CARF: variants seen among roughly 807,000 people sequenced by gnomAD.
The protein encoded by CARF is calcium responsive transcription factor, also known as calcium-responsive transcription factor.
CARF carries 57 observed loss-of-function variants against 82.0 expected under a neutral mutation model. That is an observed-to-expected ratio of 0.70 (90% confidence interval 0.56 to 0.87). The LOEUF (loss-of-function observed/expected upper bound fraction) is 0.87. CARF is among the 40% of genes least tolerant of loss of function. The pLI is 0.00. For synonymous variants in CARF, 268 were observed against 290.1 expected (o/e 0.92, Z 0.77); for missense variants, 771 against 855.8 (o/e 0.90, Z 1.24).
intron 14 of CARF, among the ~76,000 whole-genome samples, chr2:202,980,616 G>GTATATATATATATATATATA (rs34656288): frequency 2.3e-5 from 1 of 42,660 alleles, no homozygotes; most frequent in Non-Finnish European, 4.3e-5. Flanking sequence ...CGTCTTTCAA[G>GTATATATATATATATATATA]TATATATATA....
intron 3 of CARF, 50 bp from the exon 4 acceptor site, chr2:202,941,810 C>A: frequency 1.1e-6 from 1 of 916,680 alleles, no homozygotes; most frequent in Non-Finnish European, 1.7e-6. Context: ...ATAAAACAGT[C>A]CACAAAAATA....
intron 5 of CARF, among the ~76,000 whole-genome samples, chr2:202,951,468 T>C (rs992515536): frequency 6.6e-6 from 1 of 152,216 alleles, no homozygotes; most frequent in East Asian, 1.9e-4. Context: ...AAAGAGGTAA[T>C]AGGAGAGTAG....
At chr2:202,913,269 A>G (rs1031471473) in intron 1 of CARF, among the ~76,000 whole-genome samples, 167 bp downstream of exon 1, 6 of 152,342 alleles carry the variant, frequency 3.9e-5, no homozygotes, top group African/African-American at 1.4e-4. Flanking sequence ...GAGCAATGAC[A>G]ATAAAAGTAG....
chr2:202,915,478 G>C (rs1689462522), intron 1 of CARF, among the ~76,000 whole-genome samples: 1 of 151,680 alleles, frequency 6.6e-6, no homozygotes, highest in Admixed American at 6.6e-5. Flanking sequence ...ATTTTGTTTT[G>C]TTTTCTTTTT....
chr2:202,926,792 A>G (rs890847399), intron 3 of CARF, among the ~76,000 whole-genome samples: 3 of 152,102 alleles, frequency 2.0e-5, no homozygotes, highest in African/African-American at 7.2e-5. Context: ...TACGATACAT[A>G]TATCTTGCAT....
intron 16 of CARF, 63 bp from the exon 17 acceptor site, chr2:202,983,443 T>C (rs2060344796): frequency 2.1e-6 from 2 of 973,882 alleles, no homozygotes; most frequent in Non-Finnish European, 3.1e-6. Flanking sequence ...AAAATATTTT[T>C]CCCCTCTCTT....
At position 202,952,679 on chromosome 2, in the gene CARF, G is replaced by A. The variant is rs747340289; in HGVS notation, c.427G>A (p.Asp143Asn). The change falls in exon 6 of 17, where the codon GAT (aspartate) becomes AAT (asparagine). Residue 143 changes from aspartate to asparagine, a missense_variant and splice_region_variant. Transcript: ENST00000438828. ...ACTTGTGGATGTGAATAGTCCTCGG[G>A]GTGAGTAACAACGGGATATAGGGGA... Reference protein sequence around the residue: ...GQLVDVNSPRDVPEEKPSNRN... With the variant: ...GQLVDVNSPRNVPEEKPSNRN... The A allele has an allele frequency of 9.3e-6, 15 of 1,610,176 alleles. No individual in the cohort carries two copies. The South Asian group carries it at 1.1e-4, about 12-fold the overall frequency.
chr2:202,935,001 G>A (rs1693636201), intron 3 of CARF, among the ~76,000 whole-genome samples: 1 of 149,742 alleles, frequency 6.7e-6, no homozygotes, highest in Non-Finnish European at 1.5e-5. Context: ...CGCTTGAACT[G>A]GAGAGGTAGA....
intron 1 of CARF, among the ~76,000 whole-genome samples, chr2:202,915,285 G>C (rs1689421625): frequency 6.6e-6 from 1 of 151,934 alleles, no homozygotes; most frequent in Non-Finnish European, 1.5e-5. Flanking sequence ...AAAGTGCTGG[G>C]ATTACAGGCG....
chr2:202,945,348 C>T (rs752544217), intron 5 of CARF, among the ~76,000 whole-genome samples: 2 of 151,896 alleles, frequency 1.3e-5, no homozygotes, highest in Non-Finnish European at 2.9e-5. Context: ...ACTTTAGGTT[C>T]GAAGGTACAT....
At chr2:202,929,308 T>C (rs1692443956) in intron 3 of CARF, among the ~76,000 whole-genome samples, 1 of 152,222 alleles carries the variant, frequency 6.6e-6, no homozygotes, top group Admixed American at 6.5e-5. Flanking sequence ...GGTAGTTTTA[T>C]AGTTCCAGGT....
At chr2:202,978,600 CAT>C (rs2060126249) in intron 14 of CARF, among the ~76,000 whole-genome samples, 1 of 152,112 alleles carries the variant, frequency 6.6e-6, no homozygotes, top group Non-Finnish European at 1.5e-5. Context: ...GAGAGTGAAA[CAT>C]TGCCAGATAC....
rs2059937673 is a variant in CARF at position 202,974,351 on chromosome 2, A to T, written c.1349A>T (p.Glu450Val). The change falls in exon 13 of 17, where the codon GAA becomes GTA. Residue 450 changes from glutamate (E) to valine (V), a missense_variant. Glu to Val is a moderately radical substitution (Grantham distance 121). Transcript: ENST00000438828. ...CTTTACAGAAAATTTGTGGAAAGGG[A>T]ACTGTTCAAACCCGATGAGGTACCT... ...RKQLRKFVER[E>V]LFKPDEVPER... The T allele has an allele frequency of 6.3e-7, 1 of 1,586,360 alleles. No homozygotes were observed. Among genetic ancestry groups the T allele is most frequent in the Non-Finnish European group, 8.5e-7 (1 of 1,173,094 alleles).
At chr2:202,973,773 G>C (rs2059906919) in intron 12 of CARF, among the ~76,000 whole-genome samples, 1 of 152,166 alleles carries the variant, frequency 6.6e-6, no homozygotes, top group Non-Finnish European at 1.5e-5. Context: ...TGAAAATAAT[G>C]ATTTCTTTAA....
chr2:202,987,463 T>C lies in CARF; in HGVS notation c.*3839T>C, dbSNP rs1456673304. On this transcript the variant is annotated 3_prime_UTR_variant, in exon 17 of 17. Transcript: ENST00000438828. ...CATTGGTTCTTCTCCATCAGCTGGC[T>C]TAGACATCAAACATCTTAAATGATA... 1.3e-5 allele frequency among the ~76,000 whole-genome samples: 2 copies of C among 152,180 alleles called. No homozygotes were observed. The highest frequency in any genetic ancestry group is 2.9e-5 in the Non-Finnish European group (2 of 68,032).
Position 202,942,103 on chromosome 2 carries a change from G to T in CARF, c.78+123G>T. On this transcript the variant is annotated intron_variant, in intron 4 of 16. Transcript: ENST00000438828. Reference sequence around the variant, plus strand: ...ATTCAAGAATTTTGAGCTGGGCGTGGTGGCTGACACCTGTGATCCCAGCAC... The same window carrying T: ...ATTCAAGAATTTTGAGCTGGGCGTGTTGGCTGACACCTGTGATCCCAGCAC... 7 of 703,092 alleles carry T rather than the reference G, an allele frequency of 1.0e-5. No individual in the cohort carries two copies. The South Asian group carries it at 1.3e-4, about 13-fold the overall frequency. 43.6% of individuals were successfully genotyped at this position (703,092 alleles called of 1,614,324 possible). A position where few individuals can be genotyped will look rare whatever the true frequency, so the allele number is the denominator to read the frequency against.
intron 3 of CARF, among the ~76,000 whole-genome samples, chr2:202,929,435 G>C (rs1692469151): frequency 6.6e-6 from 1 of 152,150 alleles, no homozygotes; most frequent in Non-Finnish European, 1.5e-5. Flanking sequence ...TTTTATCAAA[G>C]GGACTGTCCC....
intron 8 of CARF, 37 bp from the exon 9 acceptor site, chr2:202,961,200 A>C: frequency 6.6e-7 from 1 of 1,522,592 alleles, no homozygotes; most frequent in Non-Finnish European, 9.0e-7. Flanking sequence ...AATGAAGTGT[A>C]TTGCTAGTAA....
At chr2:202,951,532 C>A (rs544506838) in intron 5 of CARF, among the ~76,000 whole-genome samples, 1 of 151,946 alleles carries the variant, frequency 6.6e-6, no homozygotes, top group Non-Finnish European at 1.5e-5. Flanking sequence ...TGCTTCCAGA[C>A]TTTTTGGAAG....
Sources: gnomAD v4.1 joint callset for allele counts (sites outside exome capture counted in the v4.1 genomes callset) on GRCh38, gnomAD v4.1.1 for gene constraint, MANE v1.5 for transcripts, NCBI Gene and HGNC (gene_info 2026-07-23, HGNC 2026-07-21) for gene names.